Variants in DEPDC5 observed in about 807,000 individuals in gnomAD.
DEPDC5 encodes the protein GATOR1 complex protein DEPDC5.
In DEPDC5, 73 loss-of-function variants were observed where a neutral mutation model predicts 217.3. The observed-to-expected ratio is 0.34, with a 90% CI of 0.28 to 0.41. The LOEUF (loss-of-function observed/expected upper bound fraction) is 0.41, where lower values mean the gene tolerates loss of function less well. DEPDC5 is among the 10% of genes least tolerant of loss of function. DEPDC5 has a pLI of 1.00. For missense variants in DEPDC5, 1,675 were observed against 2,070.1 expected (o/e 0.81, Z 3.70); for synonymous variants, 733 against 756.7 (o/e 0.97, Z 0.51).
chr22:31,833,712 T>C, intron 24 of DEPDC5: 1 of 410,570 alleles, frequency 2.4e-6, no homozygotes, highest in South Asian at 6.9e-5. Flanking sequence ...AACCTCAGAG[T>C]AAAGTTCTGG....
rs1226909374 is a variant in DEPDC5, at chr22:31,856,155, G to GCGCGCA, written c.3156-1289_3156-1288insGCGCAC. ...GAGATGTGCTGAGTTGGGCCAACGC[G>GCGCGCA]CACACACACACACACACACACACAC... is the stretch of plus-strand genomic sequence containing the variant. On this transcript the variant is annotated intron_variant, in intron 31 of 42. Transcript: ENST00000651528. 1.8e-3 allele frequency among the ~76,000 whole-genome samples: 257 copies of GCGCGCA among 140,676 alleles called. 1 individual carries two copies. The highest frequency in any genetic ancestry group is 0.014 in the Middle Eastern group (4 of 276). 92.3% of individuals were successfully genotyped at this position (140,676 alleles called of 152,430 possible).
chr22:31,840,875 CA>C (rs1569074520), intron 27 of DEPDC5, among the ~76,000 whole-genome samples: 1 of 152,214 alleles, frequency 6.6e-6, no homozygotes, highest in Non-Finnish European at 1.5e-5. Flanking sequence ...TCAGAGTCTA[CA>C]GTCTATGGCA....
chr22:31,876,125 C>T (rs978967955), intron 36 of DEPDC5, 32 bp from the exon 37 acceptor site: 1 of 1,601,610 alleles, frequency 6.2e-7, no homozygotes, highest in East Asian at 2.2e-5. Flanking sequence ...TGCCTCTCTG[C>T]AGGAATTTCA....
chr22:31,798,151 C>T (rs751472119), intron 13 of DEPDC5, among the ~76,000 whole-genome samples: 2 of 152,066 alleles, frequency 1.3e-5, no homozygotes, highest in Non-Finnish European at 2.9e-5. Context: ...TCAAACTCCT[C>T]GTCTTAAGCG....
chr22:31,815,306 A>G (rs2088942565), intron 21 of DEPDC5, 94 bp downstream of exon 21: 1 of 1,317,102 alleles, frequency 7.6e-7, no homozygotes, highest in East Asian at 2.4e-5. Flanking sequence ...TGGGGTGTAA[A>G]TCCCACATCT....
chr22:31,768,053 T>TA (rs1206389766), intron 6 of DEPDC5, among the ~76,000 whole-genome samples: 5 of 150,350 alleles, frequency 3.3e-5, no homozygotes, highest in East Asian at 3.9e-4. Flanking sequence ...CCCCATTTTT[T>TA]AAAAAAAAAT....
chr22:31,819,469 T>C (rs1372107980), intron 22 of DEPDC5, among the ~76,000 whole-genome samples: 4 of 151,654 alleles, frequency 2.6e-5, no homozygotes, highest in African/African-American at 9.7e-5. Context: ...CTGCCCTTTT[T>C]TTTTTTTTTT....
At position 31,902,408 on chromosome 22, in the gene DEPDC5, T is replaced by TTATATATATATATA. The variant is rs66813737; in HGVS notation, c.4436+621_4436+634dup. Among the ~76,000 whole-genome samples, 278 of 111,880 alleles carry TTATATATATATATA rather than the reference T, an allele frequency of 2.5e-3. 5 individuals are homozygous for TTATATATATATATA. The highest frequency in any genetic ancestry group is 2.9e-3 in the African/African-American group (84 of 29,172). 73.4% of individuals were successfully genotyped at this position (111,880 alleles called of 152,430 possible). A position where few individuals can be genotyped will look rare whatever the true frequency, so the allele number is the denominator to read the frequency against. On this transcript the variant is annotated intron_variant, in intron 41 of 42. Transcript: ENST00000651528. ...TCTCCAGTATCCTGTCATCTCCTTA[T>TTATATATATATATA]TATATATATATATATATATATATAT...
intron 7 of DEPDC5, among the ~76,000 whole-genome samples, chr22:31,777,248 C>CT (rs1417246947): frequency 1.4e-5 from 2 of 148,022 alleles, no homozygotes; most frequent in East Asian, 4.0e-4. Flanking sequence ...GCATGAACCA[C>CT]TGCACCTGGC....
At chr22:31,852,770 TACA>T (rs2080869117) in intron 31 of DEPDC5, 1 of 152,246 alleles carries the variant, frequency 6.6e-6, no homozygotes. Context: ...CCTTTAAAAT[TACA>T]ACAATTCCTT....
intron 7 of DEPDC5, chr22:31,769,922 CA>C (rs201115089): frequency 8.3e-5 from 12 of 144,136 alleles, no homozygotes; most frequent in African/African-American, 1.0e-4. Flanking sequence ...GACCCTGCCT[CA>C]AAAAAAAAAT....
At chr22:31,876,369 A>G (rs2092993032) in intron 37 of DEPDC5, 104 bp downstream of exon 37, 2 of 832,634 alleles carry the variant, frequency 2.4e-6, no homozygotes, top group African/African-American at 1.7e-5. Flanking sequence ...GTGACTTTGT[A>G]TTATAAGTTG....
Position 31,906,668 on chromosome 22 carries a change from C to T in DEPDC5, c.*171C>T, listed in dbSNP as rs538302377. The T allele has an allele frequency of 5.2e-5, 45 of 868,306 alleles. No homozygotes were observed. Among genetic ancestry groups the T allele is most frequent in the Admixed American group, 2.0e-4 (7 of 35,484 alleles). The allele number at this position is 868,306 out of a possible 1,614,324, so 53.8% of individuals were successfully genotyped here. A position where few individuals can be genotyped will look rare whatever the true frequency, so the allele number is the denominator to read the frequency against. ...TTTGTTTGTTTGTTTTTGGCCCCCA[C>T]GACAAGTCTTCTACTCTAGAAGAAA... On this transcript the variant is annotated 3_prime_UTR_variant, in exon 43 of 43. Coordinates refer to ENST00000651528, the MANE Select transcript of DEPDC5 (RefSeq NM_001242896.3). This position sits in a 1 kb window ranked among gnomAD's most constrained non-coding sequence, Gnocchi z 5.1.
Position 31,777,078 on chromosome 22 carries a change from T to G in DEPDC5, c.414-1021T>G, listed in dbSNP as rs1234378637. ...CCTGGGTTCAAACGGTTCTCCTGCC[T>G]AAGCCTCCCTAAGTAGCTGGGTCTA... On this transcript the variant is annotated intron_variant, in intron 7 of 42. Transcript: ENST00000651528. Among the ~76,000 whole-genome samples, 5 of 151,134 alleles carry G rather than the reference T, an allele frequency of 3.3e-5. No homozygotes were observed. The Admixed American group carries it at 3.3e-4, about 10-fold the overall frequency.
At chr22:31,769,711 A>T (rs1157299016) in intron 7 of DEPDC5, 1 of 152,020 alleles carries the variant, frequency 6.6e-6, no homozygotes, top group Non-Finnish European at 1.5e-5. Context: ...GCTTGAGCCC[A>T]GGAGTTGAAG....
chr22:31,784,790 C>T (rs1481503489), intron 9 of DEPDC5, 24 bp from the exon 10 acceptor site: 7 of 1,606,346 alleles, frequency 4.4e-6, no homozygotes, highest in Non-Finnish European at 6.0e-6. Context: ...ATGTTCTCAT[C>T]CTTTTTTCAT....
intron 7 of DEPDC5, among the ~76,000 whole-genome samples, chr22:31,776,969 A>G (rs11703801): frequency 9.1e-5 from 13 of 143,438 alleles, no homozygotes; most frequent in South Asian, 4.4e-4. Context: ...AATTATTATT[A>G]TTTTTTTTTT....
intron 10 of DEPDC5, among the ~76,000 whole-genome samples, chr22:31,785,743 G>A (rs1175489034): frequency 6.6e-6 from 1 of 152,032 alleles, no homozygotes; most frequent in Non-Finnish European, 1.5e-5. Flanking sequence ...GTGTGATATT[G>A]GCATAAGGAT....
intron 30 of DEPDC5, among the ~76,000 whole-genome samples, chr22:31,845,620 C>T (rs1224415929): frequency 6.6e-6 from 1 of 152,156 alleles, no homozygotes; most frequent in Non-Finnish European, 1.5e-5. Flanking sequence ...GTTCCCAGCA[C>T]CCTGTGCCTT....
Sources: allele counts gnomAD v4.1 joint callset (sites outside exome capture counted in the v4.1 genomes callset), GRCh38; gene constraint gnomAD v4.1.1; non-coding constraint Gnocchi (gnomAD v3.1); transcripts MANE v1.5; gene names NCBI Gene and HGNC (gene_info 2026-07-23, HGNC 2026-07-21).